TENM2: variants seen among roughly 807,000 people sequenced by gnomAD.
TENM2 encodes teneurin transmembrane protein 2.
TENM2 carries 52 observed loss-of-function variants against 245.2 expected under a neutral mutation model. The observed-to-expected ratio is 0.21, with a 90% CI of 0.17 to 0.27. The LOEUF is 0.27. TENM2 is among the 10% of genes least tolerant of loss of function. TENM2 has a pLI of 1.00. For synonymous variants in TENM2, 1,363 were observed against 1,438.9 expected, an observed-to-expected ratio of 0.95 and a Z score of 1.19; for missense variants, 3,046 against 3,666.8, an observed-to-expected ratio of 0.83 and a Z score of 4.37.
At chr5:167,806,198 A>C (rs917023364) in intron 2 of TENM2, among the ~76,000 whole-genome samples, 2 of 152,158 alleles carry the variant, frequency 1.3e-5, no homozygotes, top group African/African-American at 4.8e-5. Context: ...TTTAAAAGAA[A>C]TTTGTAAAAG....
At chr5:167,195,445 C>A in the TENM2 span, among the ~76,000 whole-genome samples, 1 of 151,916 alleles carries the variant, frequency 6.6e-6, no homozygotes. Flanking sequence ...TGCAAAGGCT[C>A]AAATATTTTA....
chr5:167,221,225 T>C, the TENM2 span, among the ~76,000 whole-genome samples: 5 of 152,028 alleles, frequency 3.3e-5, no homozygotes, highest in African/African-American at 1.2e-4. Context: ...TGGAAATGAA[T>C]TGGAAGGGCA....
chr5:168,208,481 G>A (rs1038496568), intron 19 of TENM2, among the ~76,000 whole-genome samples: 4 of 152,166 alleles, frequency 2.6e-5, no homozygotes, highest in South Asian at 2.1e-4. Context: ...CTGGGAAGGC[G>A]GGCAAAGCCA....
intron 3 of TENM2, among the ~76,000 whole-genome samples, chr5:167,887,487 C>T: frequency 6.6e-6 from 1 of 152,228 alleles, no homozygotes; most frequent in East Asian, 1.9e-4. Context: ...CTGAGACCAT[C>T]TGTGATTGTG....
chr5:167,874,720 C>T (rs1773272675), intron 2 of TENM2, among the ~76,000 whole-genome samples: 1 of 152,214 alleles, frequency 6.6e-6, no homozygotes, highest in African/African-American at 2.4e-5. Context: ...TGATTGTCCT[C>T]ACCCAGCAAT....
At chr5:167,440,741 C>T (rs1375198795) in intron 2 of TENM2, among the ~76,000 whole-genome samples, 1 of 152,074 alleles carries the variant, frequency 6.6e-6, no homozygotes, top group Non-Finnish European at 1.5e-5. Flanking sequence ...TTTCCTTCTT[C>T]TGCTCTGTTT....
intron 3 of TENM2, among the ~76,000 whole-genome samples, chr5:167,889,359 G>A (rs549179267): frequency 1.3e-5 from 2 of 152,250 alleles, no homozygotes; most frequent in South Asian, 2.1e-4. Flanking sequence ...CCAGCTCCCC[G>A]AATAATTCCA....
At chr5:168,106,343 A>AATCATC (rs5873089) in intron 9 of TENM2, among the ~76,000 whole-genome samples, 1 of 151,394 alleles carries the variant, frequency 6.6e-6, no homozygotes, top group African/African-American at 2.4e-5. Context: ...ACTAAAAACA[A>AATCATC]ATCATCATCA....
At chr5:168,204,889 A>ATT (rs1762231677) in intron 19 of TENM2, among the ~76,000 whole-genome samples, 2 of 152,238 alleles carry the variant, frequency 1.3e-5, no homozygotes, top group South Asian at 4.1e-4. Context: ...AGCATCTTTT[A>ATT]TTTTTAAGAA....
At chr5:167,840,289 A>G (rs192463721) in intron 2 of TENM2, among the ~76,000 whole-genome samples, 1 of 152,234 alleles carries the variant, frequency 6.6e-6, no homozygotes, top group Non-Finnish European at 1.5e-5. Context: ...CCTGACTTTA[A>G]TGCTAAGCAA....
chr5:167,813,862 C>T (rs1409476474), intron 2 of TENM2, among the ~76,000 whole-genome samples: 1 of 152,136 alleles, frequency 6.6e-6, no homozygotes, highest in African/African-American at 2.4e-5. Context: ...CACCATCCTA[C>T]ATATTACAAT....
At position 167,562,969 on chromosome 5, in the gene TENM2, A is replaced by G. The variant is rs199576969; in HGVS notation, c.502+187496A>G. On this transcript the variant is annotated intron_variant, in intron 2 of 28. Transcript: ENST00000518659. ...CGAAATTCTGTCTCAAAAAAAAAAA[A>G]AAAAAAGAAAAAGAAAAAGCAAGCC... 2.0e-5 allele frequency among the ~76,000 whole-genome samples: 3 copies of G among 151,266 alleles called. No individual in the cohort carries two copies. In the South Asian group the frequency reaches 6.2e-4, roughly 31 times the overall value.
the TENM2 span, among the ~76,000 whole-genome samples, chr5:167,173,694 C>T: frequency 0.011 from 1,698 of 149,478 alleles, 26 homozygotes; most frequent in African/African-American, 0.041. Flanking sequence ...TCATTTGTCT[C>T]AAGGTGATTT....
intron 6 of TENM2, among the ~76,000 whole-genome samples, chr5:168,056,679 T>C (rs1435194222): frequency 6.6e-6 from 1 of 152,190 alleles, no homozygotes; most frequent in African/African-American, 2.4e-5. Flanking sequence ...AGCCCTTCAC[T>C]TTCACTCACC....
chr5:167,704,897 G>T (rs1758401332), intron 2 of TENM2, among the ~76,000 whole-genome samples: 1 of 152,182 alleles, frequency 6.6e-6, no homozygotes, highest in Non-Finnish European at 1.5e-5. Context: ...GCATGTGTTA[G>T]GTCTGCTGGA....
At chr5:167,436,436 G>T (rs1215145153) in intron 2 of TENM2, among the ~76,000 whole-genome samples, 1 of 152,056 alleles carries the variant, frequency 6.6e-6, no homozygotes, top group Non-Finnish European at 1.5e-5. Flanking sequence ...GCTGTTAAAG[G>T]TATTCAGTTT....
At chr5:167,788,468 C>T (rs945467940) in intron 2 of TENM2, among the ~76,000 whole-genome samples, 2 of 152,146 alleles carry the variant, frequency 1.3e-5, no homozygotes, top group African/African-American at 2.4e-5. Context: ...ACCTGATTTA[C>T]AACTCATTAT....
intron 9 of TENM2, among the ~76,000 whole-genome samples, chr5:168,098,376 T>G (rs1192790725): frequency 6.6e-6 from 1 of 152,228 alleles, no homozygotes; most frequent in Non-Finnish European, 1.5e-5. Context: ...AAAGATGTGC[T>G]AAAAATGAGA....
At chr5:167,680,250 GA>G (rs1478850762) in intron 2 of TENM2, among the ~76,000 whole-genome samples, 1 of 149,360 alleles carries the variant, frequency 6.7e-6, no homozygotes, top group Non-Finnish European at 1.5e-5. Flanking sequence ...TGGACTTTCA[GA>G]AAAAAAATAG....
Sources: gnomAD v4.1 joint callset for allele counts (sites outside exome capture counted in the v4.1 genomes callset) on GRCh38, gnomAD v4.1.1 for gene constraint, MANE v1.5 for transcripts, NCBI Gene and HGNC (gene_info 2026-07-23, HGNC 2026-07-21) for gene names.